Variants in HDAC9 observed in about 807,000 individuals in gnomAD.
HDAC9 encodes the protein MEF-2 interacting transcription repressor (MITR) protein.
In HDAC9, 41 loss-of-function variants were observed where a neutral mutation model predicts 139.4. That is an observed-to-expected ratio of 0.29 (90% CI 0.23 to 0.38). The LOEUF is 0.38. Ranked by LOEUF, HDAC9 falls within the 10% of genes least tolerant of loss-of-function variation. The pLI is 1.00. For synonymous variants in HDAC9, 517 were observed against 476.2 expected (o/e 1.09, Z -1.12); for missense variants, 1,147 against 1,297.0 (o/e 0.88, Z 1.78).
At chr7:18,137,561 A>G (rs1334590870) in intron 1 of HDAC9, among the ~76,000 whole-genome samples, 1 of 151,640 alleles carries the variant, frequency 6.6e-6, no homozygotes, top group African/African-American at 2.4e-5. Context: ...TATTGAGATA[A>G]TCATGTGGTT....
At chr7:18,398,124 A>C (rs1012010679) in intron 1 of HDAC9, among the ~76,000 whole-genome samples, 4 of 152,324 alleles carry the variant, frequency 2.6e-5, no homozygotes, top group African/African-American at 9.6e-5. Context: ...CTAAACCCGA[A>C]TCCTAGAAGT....
intron 16 of HDAC9, among the ~76,000 whole-genome samples, chr7:18,778,978 T>C (rs1332878701): frequency 6.6e-6 from 1 of 152,082 alleles, no homozygotes; most frequent in South Asian, 2.1e-4. Context: ...AGCTGTCACA[T>C]TAATATTTCA....
At chr7:18,598,573 A>G (rs1465446000) in intron 6 of HDAC9, among the ~76,000 whole-genome samples, 1 of 152,206 alleles carries the variant, frequency 6.6e-6, no homozygotes, top group Non-Finnish European at 1.5e-5. Context: ...AGTTATTTTT[A>G]GAATTCAATT....
At chr7:18,423,469 T>G (rs550663089) in intron 1 of HDAC9, among the ~76,000 whole-genome samples, 1 of 152,246 alleles carries the variant, frequency 6.6e-6, no homozygotes, top group Non-Finnish European at 1.5e-5. Context: ...CTTAAAAGAA[T>G]AGATTTAACG....
At chr7:18,153,301 G>A (rs1468640747) in intron 1 of HDAC9, among the ~76,000 whole-genome samples, 1 of 152,110 alleles carries the variant, frequency 6.6e-6, no homozygotes, top group African/African-American at 2.4e-5. Flanking sequence ...ACTCCACGGG[G>A]TGGGAGTGGC....
At chr7:18,677,750 C>G (rs1781612609) in intron 12 of HDAC9, among the ~76,000 whole-genome samples, 1 of 151,900 alleles carries the variant, frequency 6.6e-6, no homozygotes, top group Admixed American at 6.6e-5. Context: ...ATTTTGGATA[C>G]AATCTATTTC....
chr7:18,278,244 T>C (rs1348952964), intron 2 of HDAC9, among the ~76,000 whole-genome samples: 1 of 152,242 alleles, frequency 6.6e-6, no homozygotes. Flanking sequence ...GGGTACTCAG[T>C]GACTTTAGAA....
intron 2 of HDAC9, among the ~76,000 whole-genome samples, chr7:18,215,874 ATATT>A (rs1326955439): frequency 1.3e-5 from 2 of 152,114 alleles, no homozygotes; most frequent in African/African-American, 4.8e-5. Context: ...ATATAAATAC[ATATT>A]TAGACAATTT....
At chr7:18,841,553 C>A (rs929204885) in intron 21 of HDAC9, among the ~76,000 whole-genome samples, 1 of 152,078 alleles carries the variant, frequency 6.6e-6, no homozygotes, top group Non-Finnish European at 1.5e-5. Context: ...TGATGTCACA[C>A]AGCTGGTATA....
rs139944986 is a variant in HDAC9 at position 18,308,818 on chromosome 7, G to A, written c.-42+18303G>A. ...ATTTAAACTCAAATTCTGGGGATTC[G>A]TATGAGTTTTTATGGGTAAATACTA... On this transcript the variant is annotated intron_variant, in intron 1 of 3. Transcript: ENST00000413509. Among the ~76,000 whole-genome samples, 13 of 152,200 alleles carry A rather than the reference G, an allele frequency of 8.5e-5. No individual in the cohort carries two copies. In the East Asian group the frequency reaches 1.5e-3, roughly 18 times the overall value.
At chr7:18,507,136 G>C (rs1438604122) in intron 2 of HDAC9, among the ~76,000 whole-genome samples, 1 of 150,332 alleles carries the variant, frequency 6.7e-6, no homozygotes, top group East Asian at 1.9e-4. Flanking sequence ...CTATAGAATG[G>C]ATAACTTATG....
At chr7:18,576,572 G>A (rs1826005235) in intron 2 of HDAC9, among the ~76,000 whole-genome samples, 1 of 149,690 alleles carries the variant, frequency 6.7e-6, no homozygotes, top group Non-Finnish European at 1.5e-5. Flanking sequence ...TGATGCAGGA[G>A]AATGACTTAA....
chr7:18,498,073 A>G (rs555704740), intron 2 of HDAC9, among the ~76,000 whole-genome samples: 24 of 152,268 alleles, frequency 1.6e-4, no homozygotes, highest in African/African-American at 5.3e-4. Context: ...GCAACATTTA[A>G]GCAGCAGCTA....
rs1364071443 is a variant in HDAC9, at chr7:18,658,889, A to C, written c.1468-7324A>C. ...GAAGAATATTACATTTATTTAAAAG[A>C]AAAAAAAAGCAAAAAAAAAAAAAAC... On this transcript the variant is annotated intron_variant, in intron 11 of 25. Transcript: ENST00000686413. Among the ~76,000 whole-genome samples, 47 of 134,630 alleles carry C rather than the reference A, an allele frequency of 3.5e-4. No individual in the cohort carries two copies. The East Asian group carries it at 3.6e-3, about 10-fold the overall frequency. 88.3% of individuals were successfully genotyped at this position (134,630 alleles called of 152,430 possible).
intron 22 of HDAC9, among the ~76,000 whole-genome samples, chr7:18,896,834 A>G (rs1801246244): frequency 6.6e-6 from 1 of 152,034 alleles, no homozygotes. Context: ...CAATTCCTTC[A>G]CACTGCAAAT....
At chr7:18,777,201 G>A (rs1790844763) in intron 16 of HDAC9, among the ~76,000 whole-genome samples, 1 of 151,914 alleles carries the variant, frequency 6.6e-6, no homozygotes, top group Non-Finnish European at 1.5e-5. Flanking sequence ...TGTGCTTTGG[G>A]GTTCCAAGTC....
chr7:18,728,832 T>G (rs1785783174), intron 13 of HDAC9, among the ~76,000 whole-genome samples: 1 of 152,192 alleles, frequency 6.6e-6, no homozygotes, highest in Non-Finnish European at 1.5e-5. Context: ...TTAATTACCT[T>G]TGGTAGGCAT....
intron 22 of HDAC9, 76 bp downstream of exon 22, chr7:18,874,672 C>G (rs1050476235): frequency 2.4e-5 from 19 of 797,900 alleles, no homozygotes; most frequent in African/African-American, 5.1e-5. Context: ...TAGACACCAC[C>G]TTTTACATGT....
chr7:18,826,886 T>C (rs1795486097), intron 17 of HDAC9, among the ~76,000 whole-genome samples: 2 of 151,830 alleles, frequency 1.3e-5, no homozygotes, highest in South Asian at 4.1e-4. Context: ...AACATCTACC[T>C]CTCAATATTA....
Sources: allele counts gnomAD v4.1 joint callset (sites outside exome capture counted in the v4.1 genomes callset), GRCh38; gene constraint gnomAD v4.1.1; transcripts MANE v1.5; gene names NCBI Gene and HGNC (gene_info 2026-07-23, HGNC 2026-07-21).